The following CMTM4 variants were observed in gnomAD, a reference collection of about 807,000 sequenced individuals.
The protein encoded by CMTM4 is CKLF-like MARVEL transmembrane domain-containing protein 4.
A neutral mutation model predicts 19.0 loss-of-function variants in CMTM4; 8 were observed. The observed-to-expected ratio is 0.42, with a 90% confidence interval of 0.25 to 0.76. The LOEUF (loss-of-function observed/expected upper bound fraction) is 0.76. Among genes scored for constraint, CMTM4 ranks in the 30% least tolerant of loss-of-function variants. The pLI is 0.27. For missense variants in CMTM4, 228 were observed against 290.2 expected, an observed-to-expected ratio of 0.79 and a Z score of 1.56; for synonymous variants, 106 against 121.1, an observed-to-expected ratio of 0.88 and a Z score of 0.82.
chr16:66,617,177 G>A lies in CMTM4; in HGVS notation c.*4881C>T. 1.7e-6 allele frequency: 2 copies of A among 1,209,454 alleles called. No individual in the cohort carries two copies. The highest frequency in any genetic ancestry group is 1.4e-5 in the South Asian group (1 of 72,058). The allele number at this position is 1,209,454 out of a possible 1,614,324, so 74.9% of individuals were successfully genotyped here. On this transcript the variant is annotated 3_prime_UTR_variant, in exon 4 of 4. Transcript: ENST00000394106. ...GCCACCCCAGGTGTCTAGATAGCAA[G>A]TCACCTGAATTAAAGCCTCAGCATA...
In CMTM4 at chr16:66,621,769, G is replaced by T; in HGVS notation, c.*289C>A. 8.0e-7 allele frequency: 1 copy of T among 1,249,780 alleles called. No individual in the cohort carries two copies. Among genetic ancestry groups the T allele is most frequent in the Non-Finnish European group, 1.0e-6 (1 of 988,366 alleles). 77.4% of individuals were successfully genotyped at this position (1,249,780 alleles called of 1,614,324 possible). A position where few individuals can be genotyped will look rare whatever the true frequency, so the allele number is the denominator to read the frequency against. ...GTCTTGTTACAAATACACACGACAA[G>T]GTGGCTCAGAGTCAAAGGAAGCCTG... On this transcript the variant is annotated 3_prime_UTR_variant, in exon 4 of 4. Coordinates refer to ENST00000394106, the MANE Select transcript of CMTM4 (RefSeq NM_181521.3).
chr16:66,618,147 G>A lies in CMTM4; in HGVS notation c.*3911C>T. 3.0e-6 allele frequency: 3 copies of A among 985,428 alleles called. No homozygotes were observed. The highest frequency in any genetic ancestry group is 3.6e-6 in the Non-Finnish European group (3 of 829,934). 61.0% of individuals were successfully genotyped at this position (985,428 alleles called of 1,614,324 possible). A position where few individuals can be genotyped will look rare whatever the true frequency, so the allele number is the denominator to read the frequency against. ...CTGCAACTTCACTAGGAAATAACAA[G>A]GCACCTAGAGACTTCACAAGCTAAT... On this transcript the variant is annotated 3_prime_UTR_variant, in exon 4 of 4. Coordinates refer to ENST00000394106, the MANE Select transcript of CMTM4 (RefSeq NM_181521.3).
At chr16:66,661,326 A>C (rs1053192191) in intron 1 of CMTM4, among the ~76,000 whole-genome samples, 1 of 152,226 alleles carries the variant, frequency 6.6e-6, no homozygotes, top group African/African-American at 2.4e-5. Flanking sequence ...AGGAATATAG[A>C]GTAGGGAGAA....
At chr16:66,646,896 A>G (rs2016212142) in intron 1 of CMTM4, among the ~76,000 whole-genome samples, 1 of 151,894 alleles carries the variant, frequency 6.6e-6, no homozygotes, top group Admixed American at 6.6e-5. Flanking sequence ...TAGTAGAGAC[A>G]GGGTTTCACC....
intron 1 of CMTM4, among the ~76,000 whole-genome samples, chr16:66,674,425 C>A (rs2016767646): frequency 6.6e-6 from 1 of 152,128 alleles, no homozygotes; most frequent in Admixed American, 6.6e-5. Flanking sequence ...GTCACAAAGG[C>A]CCCTCGGTGC....
At position 66,615,941 on chromosome 16, in the gene CMTM4, A is replaced by G. The variant is rs1326997845; in HGVS notation, c.*6117T>C. 6.6e-6 allele frequency: 1 copy of G among 152,218 alleles called. No homozygotes were observed. Among genetic ancestry groups the G allele is most frequent in the African/African-American group, 2.4e-5 (1 of 41,448 alleles). The allele number at this position is 152,218 out of a possible 1,614,324, so 9.4% of individuals were successfully genotyped here. On this transcript the variant is annotated 3_prime_UTR_variant, in exon 4 of 4. Transcript: ENST00000394106. The surrounding 1 kb of genome is among the most constrained non-coding windows in gnomAD (Gnocchi z 4.9). Reference sequence around the variant, plus strand: ...ACTTATAATTATTTCACAGAAATATACTCTTACTCTCAGACTATTTAAATA... The same window carrying G: ...ACTTATAATTATTTCACAGAAATATGCTCTTACTCTCAGACTATTTAAATA...
At position 66,619,880 on chromosome 16, in the gene CMTM4, G is replaced by A; in HGVS notation, c.*2178C>T. ...CACGAAGATGCAAATTAACTCCTAA[G>A]TCACTCTCTGGCGTGTCATCCTTTT... On this transcript the variant is annotated 3_prime_UTR_variant, in exon 4 of 4. Transcript: ENST00000394106. The A allele has an allele frequency of 1.0e-6, 1 of 985,408 alleles. No individual in the cohort carries two copies. Among genetic ancestry groups the A allele is most frequent in the East Asian group, 1.1e-4 (1 of 8,814 alleles). 61.0% of individuals were successfully genotyped at this position (985,408 alleles called of 1,614,324 possible). A position where few individuals can be genotyped will look rare whatever the true frequency, so the allele number is the denominator to read the frequency against.
intron 2 of CMTM4, among the ~76,000 whole-genome samples, chr16:66,633,755 T>C (rs569142195): frequency 3.7e-4 from 56 of 151,400 alleles, no homozygotes; most frequent in African/African-American, 1.2e-3. Context: ...GAGGCAAAGG[T>C]TGCAGTGAGC....
At chr16:66,630,334 C>G (rs1270390305) in intron 2 of CMTM4, among the ~76,000 whole-genome samples, 1 of 115,912 alleles carries the variant, frequency 8.6e-6, no homozygotes, top group African/African-American at 3.2e-5. Context: ...CCTCCCTCTC[C>G]CTCTCCCCAC....
chr16:66,693,931 T>A (rs1329603163), intron 1 of CMTM4, among the ~76,000 whole-genome samples: 1 of 151,698 alleles, frequency 6.6e-6, no homozygotes, highest in African/African-American at 2.4e-5. Flanking sequence ...CTGAGGTGGG[T>A]GGGTCTCTTG....
chr16:66,637,870 A>G (rs529773975), intron 1 of CMTM4, among the ~76,000 whole-genome samples: 1 of 152,222 alleles, frequency 6.6e-6, no homozygotes, highest in Non-Finnish European at 1.5e-5. Context: ...GTGGTCCTCT[A>G]GAGACTTGTC....
the CMTM4 span, chr16:66,608,163 T>C: frequency 1.2e-6 from 1 of 820,812 alleles, no homozygotes; most frequent in Non-Finnish European, 2.0e-6. This position sits in a 1 kb window ranked among gnomAD's most constrained non-coding sequence, Gnocchi z 5.1. Context: ...CTAATCTGGC[T>C]CTGCCACTTC....
chr16:66,666,833 C>A (rs919456441), intron 1 of CMTM4, among the ~76,000 whole-genome samples: 5 of 152,168 alleles, frequency 3.3e-5, no homozygotes, highest in Admixed American at 3.3e-4. Context: ...AAACCAAATA[C>A]CACGTTTTCA....
chr16:66,695,048 T>A (rs550489281), intron 1 of CMTM4, among the ~76,000 whole-genome samples: 122 of 152,096 alleles, frequency 8.0e-4, no homozygotes, highest in African/African-American at 2.8e-3. Context: ...TGCACTCAAG[T>A]AGGAAAAGGA....
the CMTM4 span, chr16:66,604,758 G>A: frequency 2.5e-6 from 3 of 1,213,586 alleles, no homozygotes; most frequent in Non-Finnish European, 2.0e-6. Context: ...CTCCGGGCGC[G>A]AGAAGAGGGG....
chr16:66,691,329 G>A (rs2017130852), intron 1 of CMTM4, among the ~76,000 whole-genome samples: 1 of 151,924 alleles, frequency 6.6e-6, no homozygotes, highest in African/African-American at 2.4e-5. Flanking sequence ...CACACAAGGA[G>A]GAAGAAGATA....
chr16:66,600,136 G>GGTTTTTTTTTTTTTTT, the CMTM4 span, among the ~76,000 whole-genome samples: 3 of 135,154 alleles, frequency 2.2e-5, no homozygotes, highest in Admixed American at 7.8e-5. Context: ...GTGTGTGTGT[G>GGTTTTTTTTTTTTTTT]TTTTTTTTTG....
the CMTM4 span, among the ~76,000 whole-genome samples, chr16:66,601,525 T>C: frequency 6.6e-6 from 1 of 152,264 alleles, no homozygotes. Flanking sequence ...TGGGCAGCCA[T>C]GGGTGGGTCA....
At chr16:66,626,449 C>T (rs57489700) in intron 2 of CMTM4, among the ~76,000 whole-genome samples, 6,673 of 152,204 alleles carry the variant, frequency 0.044, 265 homozygotes, top group East Asian at 0.16. Context: ...TACTAAAACA[C>T]AAAAAATTAG....
Sources: allele counts gnomAD v4.1 joint callset (sites outside exome capture counted in the v4.1 genomes callset), GRCh38; gene constraint gnomAD v4.1.1; non-coding constraint Gnocchi (gnomAD v3.1); transcripts MANE v1.5; gene names NCBI Gene and HGNC (gene_info 2026-07-23, HGNC 2026-07-21).